TUSC3: variants seen among roughly 807,000 people sequenced by gnomAD.
TUSC3 encodes tumor suppressor candidate 3, also known as dolichyl-diphosphooligosaccharide--protein glycosyltransferase subunit TUSC3.
In TUSC3, 45 loss-of-function variants were observed where a neutral mutation model predicts 44.8. The ratio of observed to expected loss-of-function variants is 1.00; its 90% CI spans 0.79 to 1.29. TUSC3 has a LOEUF of 1.29. TUSC3 is among the 50% of genes most tolerant of loss of function. The pLI, the probability that TUSC3 is intolerant of heterozygous loss-of-function variation, is 0.00. For missense variants in TUSC3, 519 were observed against 437.9 expected, an observed-to-expected ratio of 1.19 and a Z score of -1.65; for synonymous variants, 212 against 152.9, an observed-to-expected ratio of 1.39 and a Z score of -2.85.
the TUSC3 span, among the ~76,000 whole-genome samples, chr8:15,830,334 G>A: frequency 6.6e-6 from 1 of 151,932 alleles, no homozygotes; most frequent in Non-Finnish European, 1.5e-5. Context: ...TTACTTTTGA[G>A]GCCTTATTCA....
chr8:15,639,074 G>A (rs531367154), intron 2 of TUSC3, among the ~76,000 whole-genome samples: 1 of 146,656 alleles, frequency 6.8e-6, no homozygotes, highest in Non-Finnish European at 1.5e-5. Context: ...GCTGATGCTC[G>A]ATCACGTGAT....
At chr8:15,430,911 C>T (rs1466176158) in intron 1 of TUSC3, among the ~76,000 whole-genome samples, 2 of 151,724 alleles carry the variant, frequency 1.3e-5, no homozygotes, top group Non-Finnish European at 2.9e-5. Flanking sequence ...ACTAAAGAGA[C>T]TGTCCTTTCC....
chr8:15,730,123 T>C (rs1810657759), intron 6 of TUSC3, among the ~76,000 whole-genome samples: 1 of 152,156 alleles, frequency 6.6e-6, no homozygotes, highest in Non-Finnish European at 1.5e-5. Context: ...AGATTTGTGT[T>C]GGATTTTCTA....
intron 2 of TUSC3, among the ~76,000 whole-genome samples, chr8:15,525,021 C>A (rs934220040): frequency 6.6e-6 from 1 of 152,164 alleles, no homozygotes; most frequent in African/African-American, 2.4e-5. Flanking sequence ...AACAAAGGAA[C>A]AAAAGCCTGC....
intron 1 of TUSC3, among the ~76,000 whole-genome samples, chr8:15,601,957 A>G (rs908695854): frequency 2.0e-5 from 3 of 151,394 alleles, no homozygotes; most frequent in Non-Finnish European, 3.0e-5. Flanking sequence ...ACGCAGAACT[A>G]GCATTTATTT....
At chr8:15,480,505 G>C (rs562469454) in intron 1 of TUSC3, among the ~76,000 whole-genome samples, 7 of 152,330 alleles carry the variant, frequency 4.6e-5, no homozygotes, top group African/African-American at 1.7e-4. Flanking sequence ...TAGTTGAGTA[G>C]AAATGTTAAT....
In TUSC3 at chr8:15,481,268, A is replaced by G. The variant is rs373423418; in HGVS notation, n.92-2118A>G. 1.2e-3 allele frequency among the ~76,000 whole-genome samples: 176 copies of G among 142,944 alleles called. 1 individual carries two copies. In the Middle Eastern group the frequency reaches 0.019, roughly 15 times the overall value. The allele number at this position is 142,944 out of a possible 152,430, so 93.8% of individuals were successfully genotyped here. ...ATCTCAAAAAAAAAAAAAAAAAAAA[A>G]GTGGGGTCTTTAAGAGGTGATTAGG... is the stretch of plus-strand genomic sequence containing the variant. On this transcript the variant is annotated intron_variant and non_coding_transcript_variant, in intron 1 of 5. Coordinates refer to the TUSC3 transcript ENST00000503191.
At chr8:15,664,164 T>C (rs1003438026) in intron 5 of TUSC3, among the ~76,000 whole-genome samples, 36 of 151,744 alleles carry the variant, frequency 2.4e-4, no homozygotes, top group Non-Finnish European at 2.9e-5. Context: ...GAAACAAAGA[T>C]TCAGTAATCT....
At chr8:15,573,379 G>T (rs1802966095) in intron 1 of TUSC3, among the ~76,000 whole-genome samples, 1 of 151,726 alleles carries the variant, frequency 6.6e-6, no homozygotes, top group African/African-American at 2.4e-5. Context: ...GTGTCAGGCA[G>T]TTAAGCTGTT....
intron 6 of TUSC3, among the ~76,000 whole-genome samples, chr8:15,688,041 C>T (rs1237994521): frequency 2.0e-5 from 3 of 151,740 alleles, no homozygotes; most frequent in Admixed American, 2.0e-4. Flanking sequence ...AGAATCAGTC[C>T]TCCCACAGAG....
Position 15,673,267 on chromosome 8 carries a change from T to C in TUSC3, c.709-480T>C, listed in dbSNP as rs1412729037. On this transcript the variant is annotated intron_variant, in intron 5 of 10. Coordinates refer to ENST00000503731, the MANE Select transcript of TUSC3 (RefSeq NM_006765.4). ...TTCTGAATTTACTGTGTCGTAAACTTTGCTGAAAGTATTTAGGTACTTACG... is the reference window on the plus strand; with the variant it reads ...TTCTGAATTTACTGTGTCGTAAACTCTGCTGAAAGTATTTAGGTACTTACG... Among the ~76,000 whole-genome samples, 5 of 152,218 alleles carry C rather than the reference T, an allele frequency of 3.3e-5. No homozygotes were observed. The South Asian group carries it at 1.0e-3, about 32-fold the overall frequency.
At chr8:15,674,109 T>G (rs767319137) in intron 6 of TUSC3, among the ~76,000 whole-genome samples, 1 of 152,022 alleles carries the variant, frequency 6.6e-6, no homozygotes, top group Non-Finnish European at 1.5e-5. Context: ...TTTTTCAAGT[T>G]TATCTGCTGC....
chr8:15,517,143 C>G (rs1298404427), intron 2 of TUSC3, among the ~76,000 whole-genome samples: 1 of 152,136 alleles, frequency 6.6e-6, no homozygotes, highest in African/African-American at 2.4e-5. Flanking sequence ...CAGGGATTCT[C>G]TAGCAATAGC....
At chr8:15,847,836 T>C in the TUSC3 span, among the ~76,000 whole-genome samples, 1 of 152,174 alleles carries the variant, frequency 6.6e-6, no homozygotes, top group African/African-American at 2.4e-5. Flanking sequence ...CAACAGGCTG[T>C]GAGTGAACGT....
At chr8:15,752,899 C>T (rs747344585) in intron 9 of TUSC3, among the ~76,000 whole-genome samples, 1 of 151,824 alleles carries the variant, frequency 6.6e-6, no homozygotes, top group Non-Finnish European at 1.5e-5. Context: ...CTTGTGAGCT[C>T]CAGAAGTTCA....
intron 2 of TUSC3, among the ~76,000 whole-genome samples, chr8:15,629,716 C>G (rs1037074426): frequency 1.4e-5 from 2 of 142,036 alleles, no homozygotes; most frequent in Admixed American, 7.3e-5. Context: ...CTTTGTGAGA[C>G]TTGCCTTTTT....
chr8:15,795,696 T>C, the TUSC3 span, among the ~76,000 whole-genome samples: 3 of 152,238 alleles, frequency 2.0e-5, no homozygotes, highest in South Asian at 2.1e-4. Flanking sequence ...TTTACATTCG[T>C]TGGAGTGCCC....
At chr8:15,425,906 T>A (rs1349020462) in intron 1 of TUSC3, among the ~76,000 whole-genome samples, 1 of 152,124 alleles carries the variant, frequency 6.6e-6, no homozygotes, top group African/African-American at 2.4e-5. Flanking sequence ...ATCTCAACAC[T>A]TTGGGAGGCC....
Position 15,616,926 on chromosome 8 carries a change from C to A in TUSC3, c.139-6154C>A, listed in dbSNP as rs185780870. Among the ~76,000 whole-genome samples, 736 of 152,254 alleles carry A rather than the reference C, an allele frequency of 4.8e-3. 8 individuals are homozygous for A. Among genetic ancestry groups the A allele is most frequent in the Non-Finnish European group, 9.1e-3 (616 of 68,016 alleles). On this transcript the variant is annotated intron_variant, in intron 1 of 10. Transcript: ENST00000503731. ...CAGAATCTGGGCCAGTAGCATGAGA[C>A]CAGCATGGCCGAGTGGGCAGAATGA...
Sources: allele counts gnomAD v4.1 joint callset (sites outside exome capture counted in the v4.1 genomes callset), GRCh38; gene constraint gnomAD v4.1.1; transcripts MANE v1.5; gene names NCBI Gene and HGNC (gene_info 2026-07-23, HGNC 2026-07-21).